PTPRD: variants seen among roughly 807,000 people sequenced by gnomAD.
The protein encoded by PTPRD is receptor-type tyrosine-protein phosphatase delta.
PTPRD carries 34 observed loss-of-function variants against 214.5 expected under a neutral mutation model. That is an observed-to-expected ratio of 0.16 (90% CI 0.12 to 0.21). The LOEUF is 0.21. Among genes scored for constraint, PTPRD ranks in the 10% least tolerant of loss-of-function variants. PTPRD has a pLI of 1.00. For missense variants in PTPRD, 2,545 were observed against 2,398.7 expected (o/e 1.06, Z -1.27); for synonymous variants, 1,128 against 845.7 (o/e 1.33, Z -5.79).
chr9:10,606,210 T>C (rs879653237), intron 2 of PTPRD, among the ~76,000 whole-genome samples: 8 of 151,884 alleles, frequency 5.3e-5, no homozygotes, highest in Non-Finnish European at 1.0e-4. Flanking sequence ...AGAAATCTGA[T>C]GACCACCTAA....
intron 3 of PTPRD, among the ~76,000 whole-genome samples, chr9:10,187,795 C>A (rs919956846): frequency 2.0e-5 from 3 of 152,160 alleles, no homozygotes; most frequent in African/African-American, 7.2e-5. Context: ...GACTTCATCA[C>A]CTCTCACTAG....
At chr9:9,917,665 CTGA>C (rs1427681083) in intron 5 of PTPRD, among the ~76,000 whole-genome samples, 1 of 151,868 alleles carries the variant, frequency 6.6e-6, no homozygotes, top group Admixed American at 6.6e-5. Flanking sequence ...AGCCAATAGC[CTGA>C]TGAACAGAGA....
chr9:10,218,950 G>T (rs1286839889), intron 3 of PTPRD, among the ~76,000 whole-genome samples: 1 of 151,680 alleles, frequency 6.6e-6, no homozygotes, highest in Admixed American at 6.6e-5. Context: ...TATACAGAGA[G>T]AAAATTAAAA....
intron 7 of PTPRD, among the ~76,000 whole-genome samples, chr9:9,628,173 AT>A (rs1192541767): frequency 6.6e-6 from 1 of 152,064 alleles, no homozygotes; most frequent in African/African-American, 2.4e-5. Context: ...AGCTGACACT[AT>A]TTCTTAATTT....
chr9:8,386,530 T>C (rs10815844), intron 37 of PTPRD, among the ~76,000 whole-genome samples: 63,933 of 151,932 alleles, frequency 0.42, 15,020 homozygotes, highest in East Asian at 0.63. Context: ...GTAATTTGTT[T>C]ACGTTACCTG....
At chr9:8,786,820 T>C (rs2096001755) in intron 11 of PTPRD, among the ~76,000 whole-genome samples, 1 of 152,044 alleles carries the variant, frequency 6.6e-6, no homozygotes, top group Admixed American at 6.6e-5. Context: ...AGCGTGAATC[T>C]ATTTTAAGTA....
intron 13 of PTPRD, among the ~76,000 whole-genome samples, chr9:8,634,630 T>A (rs1009234129): frequency 4.6e-5 from 7 of 152,206 alleles, no homozygotes; most frequent in African/African-American, 1.7e-4. Context: ...CACTTTAAAA[T>A]AAATCTACTA....
intron 3 of PTPRD, among the ~76,000 whole-genome samples, chr9:10,210,893 G>C (rs2099514046): frequency 6.9e-6 from 1 of 144,722 alleles, no homozygotes; most frequent in African/African-American, 2.5e-5. Context: ...TTCTTTCCAG[G>C]TTTGCAAGTT....
At chr9:10,179,165 C>T (rs561902545) in intron 3 of PTPRD, among the ~76,000 whole-genome samples, 2 of 152,012 alleles carry the variant, frequency 1.3e-5, no homozygotes, top group African/African-American at 4.8e-5. Flanking sequence ...TTCATATCAA[C>T]AGCAGTGGAT....
intron 44 of PTPRD, among the ~76,000 whole-genome samples, chr9:8,328,522 T>A (rs1223905345): frequency 6.6e-6 from 1 of 152,174 alleles, no homozygotes; most frequent in Non-Finnish European, 1.5e-5. Flanking sequence ...TCTCGAAGAA[T>A]ATCTTAGTGG....
At chr9:9,243,252 A>C (rs533745755) in intron 9 of PTPRD, among the ~76,000 whole-genome samples, 1 of 152,254 alleles carries the variant, frequency 6.6e-6, no homozygotes, top group South Asian at 2.1e-4. Context: ...AACTATTACA[A>C]TCAATAGAAA....
At chr9:8,733,291 G>A (rs542826663) in intron 12 of PTPRD, among the ~76,000 whole-genome samples, 2 of 152,160 alleles carry the variant, frequency 1.3e-5, no homozygotes, top group Admixed American at 6.5e-5. Context: ...TGTACTCGAC[G>A]ACAGCTGTCG....
chr9:10,093,305 A>G (rs1451324774), intron 3 of PTPRD, among the ~76,000 whole-genome samples: 1 of 151,696 alleles, frequency 6.6e-6, no homozygotes, highest in African/African-American at 2.4e-5. Context: ...GACACATTTC[A>G]TAAGATGACA....
intron 7 of PTPRD, among the ~76,000 whole-genome samples, chr9:9,661,285 A>C (rs1204075947): frequency 6.6e-6 from 1 of 151,966 alleles, no homozygotes; most frequent in East Asian, 1.9e-4. Context: ...AATACTGGCC[A>C]CTACCCCAAA....
At chr9:8,390,350 T>C (rs1397162157) in intron 36 of PTPRD, among the ~76,000 whole-genome samples, 1 of 152,128 alleles carries the variant, frequency 6.6e-6, no homozygotes, top group African/African-American at 2.4e-5. Flanking sequence ...ACTGGTCTGC[T>C]TCAATTATTA....
chr9:10,363,202 T>C (rs1257211093), intron 2 of PTPRD, among the ~76,000 whole-genome samples: 1 of 152,144 alleles, frequency 6.6e-6, no homozygotes, highest in East Asian at 1.9e-4. Context: ...GATTTGGAGG[T>C]TCTTGAATGA....
chr9:9,509,802 T>TA (rs1485170043), intron 8 of PTPRD, among the ~76,000 whole-genome samples: 16 of 70,438 alleles, frequency 2.3e-4, no homozygotes, highest in African/African-American at 1.1e-3. Flanking sequence ...ACCTTTTTAT[T>TA]TAAAAAAAAA....
In PTPRD at chr9:8,740,258, C is replaced by G. The variant is rs537244378; in HGVS notation, c.-103-6312G>C. On this transcript the variant is annotated intron_variant, in intron 11 of 45. Coordinates refer to ENST00000381196, the MANE Select transcript of PTPRD (RefSeq NM_002839.4). Reference sequence around the variant, plus strand: ...GTAGAAATAGTGTTAACGAATGTTCCTTTAATATTAAAGGAAAAATTATGT... The same window carrying G: ...GTAGAAATAGTGTTAACGAATGTTCGTTTAATATTAAAGGAAAAATTATGT... 3.9e-5 allele frequency among the ~76,000 whole-genome samples: 6 copies of G among 152,090 alleles called. No individual in the cohort carries two copies. The East Asian group carries it at 7.7e-4, about 20-fold the overall frequency.
At chr9:9,849,181 T>C (rs1403674632) in intron 5 of PTPRD, among the ~76,000 whole-genome samples, 1 of 151,986 alleles carries the variant, frequency 6.6e-6, no homozygotes, top group African/African-American at 2.4e-5. Context: ...ATTGGGGAAA[T>C]TGGTTCCCTG....
Sources: allele counts gnomAD v4.1 joint callset (sites outside exome capture counted in the v4.1 genomes callset), GRCh38; gene constraint gnomAD v4.1.1; transcripts MANE v1.5; gene names NCBI Gene and HGNC (gene_info 2026-07-23, HGNC 2026-07-21).